Variants in FSD2 observed in about 807,000 individuals in gnomAD.
FSD2 encodes fibronectin type III and SPRY domain containing 2, also known as fibronectin type III and SPRY domain-containing protein 2.
FSD2 carries 71 observed loss-of-function variants against 80.4 expected under a neutral mutation model. That is an observed-to-expected ratio of 0.88 (90% confidence interval 0.73 to 1.08). FSD2 has a LOEUF of 1.08. FSD2 is among the 50% of genes least tolerant of loss of function. The probability of loss-of-function intolerance (pLI) is 0.00; values close to 1 mark genes in which losing one functional copy is unlikely to be tolerated. For synonymous variants in FSD2, 361 were observed against 329.5 expected (o/e 1.10, Z -1.03); for missense variants, 923 against 913.8 (o/e 1.01, Z -0.13).
intron 1 of FSD2, among the ~76,000 whole-genome samples, chr15:82,799,425 C>T (rs2050357739): frequency 6.6e-6 from 1 of 152,178 alleles, no homozygotes; most frequent in African/African-American, 2.4e-5. Flanking sequence ...TCTTCCCACT[C>T]TCCACTTGCT....
chr15:82,781,319 G>A (rs2049849797), intron 4 of FSD2, among the ~76,000 whole-genome samples: 2 of 152,182 alleles, frequency 1.3e-5, no homozygotes, highest in African/African-American at 4.8e-5. Flanking sequence ...GAGCATTGAT[G>A]GTTCTTGCAG....
intron 1 of FSD2, among the ~76,000 whole-genome samples, chr15:82,798,738 G>A (rs1197676328): frequency 2.0e-5 from 3 of 152,210 alleles, no homozygotes; most frequent in East Asian, 1.9e-4. Flanking sequence ...CAAGTTCGTC[G>A]GCTTCCCCTA....
intron 11 of FSD2, among the ~76,000 whole-genome samples, chr15:82,764,123 C>T (rs964511069): frequency 4.1e-4 from 62 of 152,178 alleles, no homozygotes; most frequent in African/African-American, 1.4e-3. Flanking sequence ...TAGCCCACAG[C>T]ATGACCCCTG....
chr15:82,787,477 C>A lies in FSD2; in HGVS notation c.-78-9G>T. 7.6e-7 allele frequency: 1 copy of A among 1,318,728 alleles called. No homozygotes were observed. The highest frequency in any genetic ancestry group is 1.0e-6 in the Non-Finnish European group (1 of 963,534). The allele number at this position is 1,318,728 out of a possible 1,614,324, so 81.7% of individuals were successfully genotyped here. ...TAGTGAATATCTGGGCCCTGGAACA[C>A]AAAAGGAGGAGGAAAATCATTTCTG... On this transcript the variant is annotated splice_polypyrimidine_tract_variant and intron_variant, in intron 1 of 12. Coordinates refer to ENST00000334574, the MANE Select transcript of FSD2 (RefSeq NM_001007122.4).
intron 11 of FSD2, among the ~76,000 whole-genome samples, chr15:82,763,285 C>T (rs991946911): frequency 6.6e-6 from 1 of 152,148 alleles, no homozygotes; most frequent in African/African-American, 2.4e-5. Context: ...ATTATCTACC[C>T]GGTAACCCCC....
chr15:82,792,598 A>G (rs2050176693), intron 1 of FSD2, among the ~76,000 whole-genome samples: 1 of 152,186 alleles, frequency 6.6e-6, no homozygotes, highest in South Asian at 2.1e-4. Flanking sequence ...ATGTCCCCTG[A>G]AGCACAAAAG....
intron 10 of FSD2, 74 bp from the exon 11 acceptor site, chr15:82,765,372 T>G: frequency 6.3e-7 from 1 of 1,598,670 alleles, no homozygotes; most frequent in Non-Finnish European, 8.5e-7. Context: ...GGTCACCGGT[T>G]TAGCTTCGTG....
intron 7 of FSD2, among the ~76,000 whole-genome samples, chr15:82,770,275 C>T (rs144869788): frequency 2.0e-3 from 306 of 152,284 alleles, no homozygotes; most frequent in African/African-American, 6.9e-3. Flanking sequence ...CAAGTCCTCC[C>T]GGCTATCCTA....
chr15:82,781,719 T>A (rs2049859548), intron 4 of FSD2, among the ~76,000 whole-genome samples: 1 of 152,114 alleles, frequency 6.6e-6, no homozygotes, highest in Non-Finnish European at 1.5e-5. Flanking sequence ...CTTGACAACT[T>A]TCTCCCCAGA....
chr15:82,778,899 A>C lies in FSD2; in HGVS notation c.990-12T>G, dbSNP rs758077035. ...GGAATTTCCCGAGTCTGTTGGTATA[A>C]AAAGACATGCTGACTAGAATGGAGG... On this transcript the variant is annotated splice_polypyrimidine_tract_variant and intron_variant, in intron 5 of 12. Transcript: ENST00000334574. 6.8e-6 allele frequency: 11 copies of C among 1,613,820 alleles called. No homozygotes were observed. The African/African-American group carries it at 1.3e-4, about 20-fold the overall frequency.
chr15:82,760,734 T>TGTAC (rs2049275014), intron 12 of FSD2, among the ~76,000 whole-genome samples: 1 of 69,806 alleles, frequency 1.4e-5, no homozygotes, highest in Non-Finnish European at 2.8e-5. Flanking sequence ...CGTGTGTGCG[T>TGTAC]GCACGCACAC....
At chr15:82,795,831 C>CA (rs71156051) in intron 1 of FSD2, among the ~76,000 whole-genome samples, 22,185 of 126,920 alleles carry the variant, frequency 0.17, 1,899 homozygotes, top group South Asian at 0.36. Context: ...GACTCCATCT[C>CA]AAAAAAAAAA....
Position 82,756,916 on chromosome 15 carries a change from G to C in FSD2, c.*2432C>G, listed in dbSNP as rs924487745. 6.6e-6 allele frequency: 1 copy of C among 152,164 alleles called. No homozygotes were observed. Among genetic ancestry groups the C allele is most frequent in the Admixed American group, 6.6e-5 (1 of 15,266 alleles). 9.4% of individuals were successfully genotyped at this position (152,164 alleles called of 1,614,324 possible). Reference sequence around the variant, plus strand: ...TGTTTTTTAACAGACTTATCAGCAGGTTGCAGGTGAACATGGCCTTGAGGT... The same window carrying C: ...TGTTTTTTAACAGACTTATCAGCAGCTTGCAGGTGAACATGGCCTTGAGGT... On this transcript the variant is annotated 3_prime_UTR_variant, in exon 13 of 13. Coordinates refer to ENST00000334574, the MANE Select transcript of FSD2 (RefSeq NM_001007122.4).
chr15:82,789,354 T>TATAATAATAATAATA (rs35989908), intron 1 of FSD2, among the ~76,000 whole-genome samples: 178 of 148,922 alleles, frequency 1.2e-3, no homozygotes, highest in Middle Eastern at 3.5e-3. Context: ...TCTAGAAGGA[T>TATAATAATAATAATA]ATAATAATAA....
intron 1 of FSD2, among the ~76,000 whole-genome samples, chr15:82,793,404 T>C (rs1555481323): frequency 6.6e-6 from 1 of 152,182 alleles, no homozygotes; most frequent in Non-Finnish European, 1.5e-5. Context: ...AATTCATGTA[T>C]TAGTAACTTA....
intron 11 of FSD2, among the ~76,000 whole-genome samples, chr15:82,764,036 G>A (rs1191289648): frequency 6.6e-6 from 1 of 152,202 alleles, no homozygotes; most frequent in Non-Finnish European, 1.5e-5. Flanking sequence ...GAGTTTTGCT[G>A]TAAGGTACCA....
In FSD2 at chr15:82,768,996, T is replaced by G; in HGVS notation, c.1437A>C (p.Ile479=). 1 of 1,598,668 alleles carries G rather than the reference T, an allele frequency of 6.3e-7. No homozygotes were observed. The highest frequency in any genetic ancestry group is 1.3e-5 in the African/African-American group (1 of 74,306). The change falls in exon 9 of 13, where the codon ATA becomes ATC. Residue 479 remains isoleucine, a synonymous_variant. Transcript: ENST00000334574. Reference sequence around the variant, plus strand: ...TCAGCACAGCCTCTTCACAGCTCCTTATCTCTTTGGTTTTAATAATGGGGG... The same window carrying G: ...TCAGCACAGCCTCTTCACAGCTCCTGATCTCTTTGGTTTTAATAATGGGGG... ...PSPPIIKTKE[I]RSCEEAVLIC... is the part of the protein sequence containing the mutation.
chr15:82,795,321 T>C (rs1256496409), intron 1 of FSD2, among the ~76,000 whole-genome samples: 1 of 152,178 alleles, frequency 6.6e-6, no homozygotes, highest in African/African-American at 2.4e-5. Context: ...GCTCAAGCTA[T>C]GATTTTTTTT....
In FSD2 at chr15:82,786,995, C is replaced by A. The variant is rs1339538979; in HGVS notation, c.396G>T (p.Leu132=). The part of the protein sequence containing the change: ...LSGEAAEAED[L]GFGGWGSAGQ... ...CTGCTGAGCCCCACCCTCCGAAGCC[C>A]AGGTCCTCGGCCTCCGCTGCCTCTC... Residue 132 remains leucine (L), a synonymous_variant, in exon 2 of 13, where the codon CTG becomes CTT. Coordinates refer to ENST00000334574, the MANE Select transcript of FSD2 (RefSeq NM_001007122.4). The A allele has an allele frequency of 1.2e-6, 2 of 1,614,022 alleles. No individual in the cohort carries two copies. The highest frequency in any genetic ancestry group is 4.5e-5 in the East Asian group (2 of 44,884).
Sources: gnomAD v4.1 joint callset for allele counts (sites outside exome capture counted in the v4.1 genomes callset) on GRCh38, gnomAD v4.1.1 for gene constraint, MANE v1.5 for transcripts, NCBI Gene and HGNC (gene_info 2026-07-23, HGNC 2026-07-21) for gene names.